Variants in NMNAT2 observed in about 807,000 individuals in gnomAD.
The protein encoded by NMNAT2 is nicotinamide/nicotinic acid mononucleotide adenylyltransferase 2.
NMNAT2 carries 11 observed loss-of-function variants against 41.6 expected under a neutral mutation model. The observed-to-expected ratio is 0.26, with a 90% confidence interval of 0.17 to 0.44. The LOEUF (loss-of-function observed/expected upper bound fraction) is 0.44, where lower values mean the gene tolerates loss of function less well. Ranked by LOEUF, NMNAT2 falls within the 20% of genes least tolerant of loss-of-function variation. The probability of loss-of-function intolerance (pLI) is 1.00; values close to 1 mark genes in which losing one functional copy is unlikely to be tolerated. For missense variants in NMNAT2, 288 were observed against 407.7 expected (o/e 0.71, Z 2.53); for synonymous variants, 148 against 151.2 (o/e 0.98, Z 0.16).
intron 1 of NMNAT2, among the ~76,000 whole-genome samples, chr1:183,366,790 G>C (rs1663422789): frequency 6.6e-6 from 1 of 152,070 alleles, no homozygotes; most frequent in South Asian, 2.1e-4. Context: ...TTGCAGGAGG[G>C]AATGAGAGCC....
chr1:183,387,866 T>C (rs1648303478), intron 1 of NMNAT2, among the ~76,000 whole-genome samples: 1 of 152,182 alleles, frequency 6.6e-6, no homozygotes, highest in South Asian at 2.1e-4. Context: ...GGCCTTCCTG[T>C]TTGATTGGGA....
At chr1:183,269,634 TATGTGCC>T (rs1660929385) in intron 8 of NMNAT2, among the ~76,000 whole-genome samples, 1 of 152,266 alleles carries the variant, frequency 6.6e-6, no homozygotes, top group African/African-American at 2.4e-5. Context: ...AGGTGCCTGC[TATGTGCC>T]ATGCACAGTA....
chr1:183,371,282 C>G (rs1357069186), intron 1 of NMNAT2, among the ~76,000 whole-genome samples: 3 of 152,164 alleles, frequency 2.0e-5, no homozygotes, highest in African/African-American at 7.2e-5. Context: ...ACTGTGGACA[C>G]TGTAAAAAGA....
intron 5 of NMNAT2, among the ~76,000 whole-genome samples, chr1:183,285,189 T>C (rs1279259494): frequency 6.6e-6 from 1 of 152,258 alleles, no homozygotes; most frequent in Non-Finnish European, 1.5e-5. Context: ...ATGTGTATTA[T>C]GCAGGTATGT....
At chr1:183,325,784 G>A (rs961560258) in intron 1 of NMNAT2, among the ~76,000 whole-genome samples, 1 of 152,082 alleles carries the variant, frequency 6.6e-6, no homozygotes, top group African/African-American at 2.4e-5. Context: ...TGTGTAATAA[G>A]GGTCAAACCT....
chr1:183,282,563 A>C (rs1558115772), intron 7 of NMNAT2, among the ~76,000 whole-genome samples: 1 of 152,268 alleles, frequency 6.6e-6, no homozygotes, highest in Non-Finnish European at 1.5e-5. Context: ...ATACACTGGA[A>C]TACAATGAGA....
At chr1:183,398,212 G>T (rs901019341) in intron 1 of NMNAT2, among the ~76,000 whole-genome samples, 15 of 152,206 alleles carry the variant, frequency 9.9e-5, no homozygotes, top group Middle Eastern at 3.4e-3. Context: ...AGGGACGGAG[G>T]AAGATCTACC....
At chr1:183,254,023 C>T (rs1660459328) in intron 10 of NMNAT2, among the ~76,000 whole-genome samples, 1 of 151,732 alleles carries the variant, frequency 6.6e-6, no homozygotes, top group Non-Finnish European at 1.5e-5. Flanking sequence ...ATCTTGGCTA[C>T]TGTGAATAAT....
chr1:183,398,056 A>AAC (rs1648703443), intron 1 of NMNAT2, among the ~76,000 whole-genome samples: 1 of 152,220 alleles, frequency 6.6e-6, no homozygotes. Flanking sequence ...ATTCACACAT[A>AAC]ACAACATTAA....
chr1:183,249,680 GGCGTGTGTGTGT>G lies in NMNAT2; in HGVS notation c.*2949_*2960del, dbSNP rs1558103484. Reference sequence around the variant, plus strand: ...CCTTCCCCTAGCAAATGAAGAGTAGGGCGTGTGTGTGTGTGTGTGTGTGTGTGTGTGTGTGTG... The same window carrying G: ...CCTTCCCCTAGCAAATGAAGAGTAGGGTGTGTGTGTGTGTGTGTGTGTGTG... On this transcript the variant is annotated 3_prime_UTR_variant, in exon 11 of 11. Coordinates refer to ENST00000287713, the MANE Select transcript of NMNAT2 (RefSeq NM_015039.4). 1.7e-5 allele frequency: 2 copies of G among 116,316 alleles called. No homozygotes were observed. The highest frequency in any genetic ancestry group is 3.3e-4 in the South Asian group (1 of 3,020). 7.2% of individuals were successfully genotyped at this position (116,316 alleles called of 1,614,324 possible).
chr1:183,279,094 G>T (rs921589196), intron 7 of NMNAT2, among the ~76,000 whole-genome samples: 1 of 152,178 alleles, frequency 6.6e-6, no homozygotes, highest in Admixed American at 6.5e-5. Context: ...ATGGGAGGGG[G>T]TGTGAGGGGA....
At chr1:183,328,915 A>G (rs1557879732) in intron 1 of NMNAT2, among the ~76,000 whole-genome samples, 1 of 152,158 alleles carries the variant, frequency 6.6e-6, no homozygotes, top group Non-Finnish European at 1.5e-5. Context: ...AAACATGGAG[A>G]CAGAGAGATT....
At chr1:183,379,641 C>T (rs533268770) in intron 1 of NMNAT2, among the ~76,000 whole-genome samples, 1 of 152,196 alleles carries the variant, frequency 6.6e-6, no homozygotes, top group Admixed American at 6.5e-5. Context: ...TAAAAAGAGA[C>T]ATATAAAAAC....
At chr1:183,386,242 T>C (rs1648238838) in intron 1 of NMNAT2, among the ~76,000 whole-genome samples, 1 of 152,098 alleles carries the variant, frequency 6.6e-6, no homozygotes, top group Non-Finnish European at 1.5e-5. Flanking sequence ...ACAAGATACC[T>C]TTGAGAGATT....
At chr1:183,295,264 A>C (rs1661658836) in intron 1 of NMNAT2, among the ~76,000 whole-genome samples, 1 of 152,130 alleles carries the variant, frequency 6.6e-6, no homozygotes, top group Admixed American at 6.5e-5. Context: ...GGCCTCCCAA[A>C]ATGCAAGGGT....
intron 1 of NMNAT2, among the ~76,000 whole-genome samples, chr1:183,311,824 A>T (rs1396563630): frequency 1.3e-5 from 2 of 150,944 alleles, no homozygotes; most frequent in Non-Finnish European, 2.9e-5. Flanking sequence ...GTCCCCACTC[A>T]AATCTCATTT....
chr1:183,408,993 C>G (rs534457718), intron 1 of NMNAT2, among the ~76,000 whole-genome samples: 1 of 152,174 alleles, frequency 6.6e-6, no homozygotes, highest in South Asian at 2.1e-4. Flanking sequence ...AGTTTCATCT[C>G]AGTGCTCCAT....
intron 1 of NMNAT2, among the ~76,000 whole-genome samples, chr1:183,322,791 TA>T: frequency 6.6e-6 from 1 of 152,198 alleles, no homozygotes; most frequent in African/African-American, 2.4e-5. Flanking sequence ...TCCCATGATT[TA>T]AAATACCATC....
At chr1:183,370,996 C>T (rs955245414) in intron 1 of NMNAT2, among the ~76,000 whole-genome samples, 8 of 152,180 alleles carry the variant, frequency 5.3e-5, no homozygotes, top group East Asian at 3.9e-4. Context: ...CACGGTGCGC[C>T]GCATGTTTTT....
Sources: gnomAD v4.1 joint callset for allele counts (sites outside exome capture counted in the v4.1 genomes callset) on GRCh38, gnomAD v4.1.1 for gene constraint, MANE v1.5 for transcripts, NCBI Gene and HGNC (gene_info 2026-07-23, HGNC 2026-07-21) for gene names.